Variants in PCCA observed in about 807,000 individuals in gnomAD.
The protein encoded by PCCA is propionyl-CoA carboxylase subunit alpha.
In PCCA, 74 loss-of-function variants were observed where a neutral mutation model predicts 101.3. That is an observed-to-expected ratio of 0.73 (90% CI 0.61 to 0.89). The LOEUF (loss-of-function observed/expected upper bound fraction) is 0.89. Among genes scored for constraint, PCCA ranks in the 40% least tolerant of loss-of-function variants. The pLI is 0.00. For synonymous variants in PCCA, 294 were observed against 313.6 expected, an observed-to-expected ratio of 0.94 and a Z score of 0.66; for missense variants, 891 against 907.0, an observed-to-expected ratio of 0.98 and a Z score of 0.23.
chr13:100,353,724 G>A (rs932122498), intron 18 of PCCA, among the ~76,000 whole-genome samples: 1 of 152,064 alleles, frequency 6.6e-6, no homozygotes, highest in Non-Finnish European at 1.5e-5. Flanking sequence ...AGGCTGAGAC[G>A]AGCAGATTGT....
At chr13:100,355,681 A>G (rs2073887634) in intron 18 of PCCA, among the ~76,000 whole-genome samples, 1 of 152,168 alleles carries the variant, frequency 6.6e-6, no homozygotes, top group Non-Finnish European at 1.5e-5. Context: ...AAAACACCCT[A>G]TGTTTTGAAT....
chr13:100,132,865 C>T (rs1424027615), intron 4 of PCCA, among the ~76,000 whole-genome samples: 7 of 152,104 alleles, frequency 4.6e-5, no homozygotes, highest in Non-Finnish European at 1.0e-4. Context: ...CCTCCACCTC[C>T]CGGGTTCAAG....
chr13:100,109,135 G>A lies in PCCA; in HGVS notation c.184-2706G>A, dbSNP rs766014751. Among the ~76,000 whole-genome samples, 22 of 152,336 alleles carry A rather than the reference G, an allele frequency of 1.4e-4. No individual in the cohort carries two copies. In the South Asian group the frequency reaches 2.7e-3, roughly 19 times the overall value. ...AAAGGGGTGAAGAACAGTAGCCATA[G>A]CTAATGCTGAATGAGTATATATTAC... On this transcript the variant is annotated intron_variant, in intron 2 of 23. Coordinates refer to ENST00000376285, the MANE Select transcript of PCCA (RefSeq NM_000282.4).
intron 17 of PCCA, among the ~76,000 whole-genome samples, chr13:100,332,332 A>T (rs1351157791): frequency 1.3e-5 from 2 of 152,148 alleles, no homozygotes; most frequent in Non-Finnish European, 2.9e-5. Context: ...CCTTCCTAAA[A>T]TTTTAATTAA....
In PCCA at chr13:100,110,087, C is replaced by G. The variant is rs193111758; in HGVS notation, c.184-1754C>G. ...GACGGAGGTTACTGTGAGCTGAGAT[C>G]GTACCACTGCACTCCAGCCTGGGCG... On this transcript the variant is annotated intron_variant, in intron 2 of 23. Transcript: ENST00000376285. 2.1e-3 allele frequency among the ~76,000 whole-genome samples: 315 copies of G among 152,182 alleles called. 4 individuals are homozygous for G. Among genetic ancestry groups the G allele is most frequent in the African/African-American group, 7.2e-3 (298 of 41,514 alleles).
intron 8 of PCCA, 56 bp downstream of exon 8, chr13:100,235,934 G>T: frequency 9.6e-7 from 1 of 1,040,318 alleles, no homozygotes; most frequent in South Asian, 1.3e-5. Flanking sequence ...AGATACGGTT[G>T]AGTCAACAGG....
At chr13:100,318,446 A>AG (rs2067626164) in intron 16 of PCCA, among the ~76,000 whole-genome samples, 1 of 151,322 alleles carries the variant, frequency 6.6e-6, no homozygotes, top group Non-Finnish European at 1.5e-5. Context: ...CTCGTCATTT[A>AG]CATTAGGTAT....
intron 20 of PCCA, among the ~76,000 whole-genome samples, chr13:100,448,357 T>C (rs1473148392): frequency 6.6e-6 from 1 of 152,088 alleles, no homozygotes; most frequent in Non-Finnish European, 1.5e-5. Context: ...CACGCCTGGC[T>C]AATTTTTGTA....
At chr13:100,278,633 C>T (rs937018738) in intron 12 of PCCA, among the ~76,000 whole-genome samples, 2 of 152,118 alleles carry the variant, frequency 1.3e-5, no homozygotes, top group Admixed American at 1.3e-4. Context: ...GTGCGTGCCA[C>T]TACGCCCAGC....
At chr13:100,353,723 C>T (rs914977356) in intron 18 of PCCA, among the ~76,000 whole-genome samples, 2 of 152,016 alleles carry the variant, frequency 1.3e-5, no homozygotes, top group South Asian at 2.1e-4. Context: ...GAGGCTGAGA[C>T]GAGCAGATTG....
At chr13:100,284,828 A>G (rs2064464998) in intron 12 of PCCA, among the ~76,000 whole-genome samples, 1 of 152,182 alleles carries the variant, frequency 6.6e-6, no homozygotes, top group Non-Finnish European at 1.5e-5. Flanking sequence ...GTCTTGCCCA[A>G]GGGTTTAGGG....
intron 18 of PCCA, among the ~76,000 whole-genome samples, chr13:100,362,788 C>T (rs971532085): frequency 6.6e-6 from 1 of 152,138 alleles, no homozygotes; most frequent in Non-Finnish European, 1.5e-5. Context: ...GGGGTGTTCC[C>T]TGTTTCTCAG....
intron 21 of PCCA, among the ~76,000 whole-genome samples, chr13:100,461,432 AAG>A (rs2082157496): frequency 6.6e-6 from 1 of 152,240 alleles, no homozygotes; most frequent in Non-Finnish European, 1.5e-5. Context: ...AAAAAATGAA[AAG>A]AATTAAGTTT....
At chr13:100,345,700 T>C (rs1443342100) in intron 18 of PCCA, among the ~76,000 whole-genome samples, 1 of 152,206 alleles carries the variant, frequency 6.6e-6, no homozygotes, top group Non-Finnish European at 1.5e-5. Flanking sequence ...TGAAAGAAGA[T>C]GCCATCTCAT....
chr13:100,125,153 G>GTGTGTGTGTGTC (rs1259156553), intron 4 of PCCA, among the ~76,000 whole-genome samples: 1 of 151,960 alleles, frequency 6.6e-6, no homozygotes, highest in African/African-American at 2.4e-5. Flanking sequence ...GTGTGTGTGT[G>GTGTGTGTGTGTC]TGTGTGTGTA....
rs941579327 is a variant in PCCA at position 100,521,841 on chromosome 13, C to T, written c.2041-5834C>T. ...AGGGCTGATATTGATCCGTGTTTTT[C>T]CGGTGGTCCGGCGTTGCAGAAGTGG... On this transcript the variant is annotated intron_variant, in intron 22 of 23. Coordinates refer to ENST00000376285, the MANE Select transcript of PCCA (RefSeq NM_000282.4). Among the ~76,000 whole-genome samples the T allele has an allele frequency of 8.5e-5, 13 of 152,314 alleles. No individual in the cohort carries two copies. In the East Asian group the frequency reaches 2.5e-3, roughly 29 times the overall value.
intron 19 of PCCA, among the ~76,000 whole-genome samples, chr13:100,372,595 A>C (rs1347806248): frequency 6.6e-6 from 1 of 152,204 alleles, no homozygotes; most frequent in African/African-American, 2.4e-5. Context: ...TGTTTCATGC[A>C]AATATTTTCT....
Position 100,328,191 on chromosome 13 carries a change from C to T in PCCA, c.1430-2370C>T, listed in dbSNP as rs553427662. Among the ~76,000 whole-genome samples, 129 of 152,048 alleles carry T rather than the reference C, an allele frequency of 8.5e-4. 4 individuals are homozygous for T. In the South Asian group the frequency reaches 0.025, roughly 29 times the overall value. ...CAACCTGGCCAACATGATGAAACCCCGTCTCTAGTAAAAATACAAAAATTA... is the reference window on the plus strand; with the variant it reads ...CAACCTGGCCAACATGATGAAACCCTGTCTCTAGTAAAAATACAAAAATTA... On this transcript the variant is annotated intron_variant, in intron 16 of 23. Coordinates refer to ENST00000376285, the MANE Select transcript of PCCA (RefSeq NM_000282.4).
At chr13:100,172,530 A>G (rs936695109) in intron 6 of PCCA, among the ~76,000 whole-genome samples, 2 of 152,140 alleles carry the variant, frequency 1.3e-5, no homozygotes, top group Non-Finnish European at 2.9e-5. Flanking sequence ...CGTAAAGACT[A>G]TGTAGTTTTA....
Sources: allele counts gnomAD v4.1 joint callset (sites outside exome capture counted in the v4.1 genomes callset), GRCh38; gene constraint gnomAD v4.1.1; transcripts MANE v1.5; gene names NCBI Gene and HGNC (gene_info 2026-07-23, HGNC 2026-07-21).